The following PKMYT1 variants were observed in gnomAD, a reference collection of about 807,000 sequenced individuals.
PKMYT1 encodes membrane-associated tyrosine- and threonine-specific cdc2-inhibitory kinase.
PKMYT1 carries 35 observed loss-of-function variants against 49.7 expected under a neutral mutation model. That is an observed-to-expected ratio of 0.70 (90% CI 0.54 to 0.93). The LOEUF (loss-of-function observed/expected upper bound fraction) is 0.93, where lower values mean the gene tolerates loss of function less well. Among genes scored for constraint, PKMYT1 ranks in the 40% least tolerant of loss-of-function variants. PKMYT1 has a pLI of 0.00. For missense variants in PKMYT1, 677 were observed against 673.1 expected, an observed-to-expected ratio of 1.01 and a Z score of -0.06; for synonymous variants, 331 against 287.6, an observed-to-expected ratio of 1.15 and a Z score of -1.53.
At position 2,976,089 on chromosome 16, in the gene PKMYT1, G is replaced by A. The variant is rs572137558; in HGVS notation, c.379-277C>T. 4 of 434,458 alleles carry A rather than the reference G, an allele frequency of 9.2e-6. No individual in the cohort carries two copies. In the South Asian group the frequency reaches 1.6e-4, roughly 17 times the overall value. The allele number at this position is 434,458 out of a possible 1,614,324, so 26.9% of individuals were successfully genotyped here. A position where few individuals can be genotyped will look rare whatever the true frequency, so the allele number is the denominator to read the frequency against. On this transcript the variant is annotated intron_variant, in intron 3 of 8. Coordinates refer to ENST00000262300, the MANE Select transcript of PKMYT1 (RefSeq NM_004203.5). ...GATGTGTCACGAGGTGGAAAAAGCAGCTGCAGAGCAACACAGGCAGCCCAG... is the reference window on the plus strand; with the variant it reads ...GATGTGTCACGAGGTGGAAAAAGCAACTGCAGAGCAACACAGGCAGCCCAG...
chr16:2,978,302 G>A (rs1041722372), intron 2 of PKMYT1, among the ~76,000 whole-genome samples: 6 of 152,222 alleles, frequency 3.9e-5, no homozygotes, highest in African/African-American at 1.4e-4. Flanking sequence ...CCATTAAGAA[G>A]AGACTGGTAC....
At chr16:2,975,850 G>T in intron 3 of PKMYT1, 38 bp from the exon 4 acceptor site, 1 of 1,553,400 alleles carries the variant, frequency 6.4e-7, no homozygotes, top group South Asian at 1.2e-5. Context: ...CAGTGAGGGT[G>T]AGCCACAAGT....
Position 2,974,274 on chromosome 16 carries a change from C to A in PKMYT1, c.1123G>T (p.Ala375Ser). Residue 375 changes from alanine to serine, a missense_variant, in exon 6 of 9, where the codon GCC (alanine) becomes TCC (serine). Physicochemically the swap from Ala to Ser is moderately conservative, Grantham distance 99 (BLOSUM62 1). Coordinates refer to ENST00000262300, the MANE Select transcript of PKMYT1 (RefSeq NM_004203.5). ...CACAGGGCCCACCCTCGGCTCAGGG[C>A]CTCCGCTGCCATGCACCACAGCACA... ...WGVLWCMAAEALSRGWALWQA... is the reference protein window; with the variant it reads ...WGVLWCMAAESLSRGWALWQA... 1 of 1,573,816 alleles carries A rather than the reference C, an allele frequency of 6.4e-7. No individual in the cohort carries two copies. Among genetic ancestry groups the A allele is most frequent in the Non-Finnish European group, 8.6e-7 (1 of 1,160,360 alleles).
chr16:2,977,293 G>A (rs908541279), intron 2 of PKMYT1: 5 of 1,330,732 alleles, frequency 3.8e-6, no homozygotes, highest in African/African-American at 1.5e-5. Flanking sequence ...TGAGGGTCTT[G>A]CAGTCGGGTT....
chr16:2,978,097 G>C (rs2072247651), intron 2 of PKMYT1, among the ~76,000 whole-genome samples: 1 of 152,202 alleles, frequency 6.6e-6, no homozygotes, highest in East Asian at 1.9e-4. Flanking sequence ...GCAGCACTCA[G>C]AGAGGTGCCC....
chr16:2,974,543 T>TA lies in PKMYT1; in HGVS notation c.979+6dup, dbSNP rs1483844043. ...GGCAGCACCCCCTCCCGCCCTCACC[T>TA]ACTCACCGGCAGTGAACTCAGGGGG... is the stretch of plus-strand genomic sequence containing the variant. On this transcript the variant is annotated splice_region_variant and intron_variant, in intron 5 of 8. Transcript: ENST00000262300. 6.4e-7 allele frequency: 1 copy of TA among 1,559,744 alleles called. No homozygotes were observed. The highest frequency in any genetic ancestry group is 1.8e-5 in the Admixed American group (1 of 54,278).
chr16:2,974,489 G>T lies in PKMYT1; in HGVS notation c.979+61C>A. On this transcript the variant is annotated intron_variant, in intron 5 of 8. Coordinates refer to ENST00000262300, the MANE Select transcript of PKMYT1 (RefSeq NM_004203.5). Reference sequence around the variant, plus strand: ...ACCCTGAGCCCAGCAGTGCCTCCATGGCCAGCCACTATCTCCCCAGGAGCC... The same window carrying T: ...ACCCTGAGCCCAGCAGTGCCTCCATTGCCAGCCACTATCTCCCCAGGAGCC... 3 of 1,537,172 alleles carry T rather than the reference G, an allele frequency of 2.0e-6. No individual in the cohort carries two copies. In the South Asian group the frequency reaches 3.6e-5, roughly 19 times the overall value.
Position 2,975,658 on chromosome 16 carries a change from T to G in PKMYT1, c.533A>C (p.Glu178Ala). 3 of 1,611,188 alleles carry G rather than the reference T, an allele frequency of 1.9e-6. No homozygotes were observed. Among genetic ancestry groups the G allele is most frequent in the Non-Finnish European group, 2.5e-6 (3 of 1,179,788 alleles). Residue 178 changes from glutamate (E) to alanine (A), a missense_variant, in exon 4 of 9, where the codon GAG (glutamate) becomes GCG (alanine). Coordinates refer to ENST00000262300, the MANE Select transcript of PKMYT1 (RefSeq NM_004203.5). ...CTGCAGGTACAGGATGCCGCCCTCC[T>G]CCCAGGCCTGCTCCAGCCGCACGCA... ...PCCVRLEQAW[E>A]EGGILYLQTE...
chr16:2,978,171 G>C (rs1398505164), intron 2 of PKMYT1, among the ~76,000 whole-genome samples: 1 of 152,182 alleles, frequency 6.6e-6, no homozygotes. Flanking sequence ...GGTAGACGTA[G>C]GTCATAAATA....
intron 3 of PKMYT1, 179 bp from the exon 4 acceptor site, chr16:2,975,991 T>G: frequency 1.5e-6 from 1 of 680,828 alleles, no homozygotes. Flanking sequence ...CCTCCATCCC[T>G]CGGGCTGGGT....
At position 2,976,803 on chromosome 16, in the gene PKMYT1, CG is replaced by C; in HGVS notation, c.238del (p.Arg80GlyfsTer59). On this transcript the variant is annotated frameshift_variant, in exon 3 of 9. Coordinates refer to ENST00000262300, the MANE Select transcript of PKMYT1 (RefSeq NM_004203.5). LOFTEE classifies it high-confidence loss of function. ...GGCCTCGCCCCGGAATGACACCCGC[CG>C]GGGCTGCAGCTGGTGCCAGCCTGGG... ...RTPGWHQLQPRRVSFRGEASE... is the reference protein window; with the variant it reads ...RTPGWHQLQPXRVSFRGEASE... 1 of 1,575,844 alleles carries C rather than the reference CG, an allele frequency of 6.3e-7. No individual in the cohort carries two copies. Among genetic ancestry groups the C allele is most frequent in the Non-Finnish European group, 8.6e-7 (1 of 1,159,078 alleles).
intron 8 of PKMYT1, 21 bp from the exon 9 acceptor site, chr16:2,973,085 C>G (rs377322650): frequency 1.0e-5 from 16 of 1,580,684 alleles, no homozygotes; most frequent in Non-Finnish European, 1.2e-5. Flanking sequence ...AGAGTAGTGA[C>G]ACTCAGGATC....
Position 2,972,855 on chromosome 16 carries a change from A to G in PKMYT1, c.*98T>C, listed in dbSNP as rs2072034670. On this transcript the variant is annotated 3_prime_UTR_variant, in exon 9 of 9. Transcript: ENST00000262300. ...TACTTTTTATTAGACACGGCCAGGC[A>G]GAGAAGACCATGGGAGTTCCCGAGG... 1 of 1,534,522 alleles carries G rather than the reference A, an allele frequency of 6.5e-7. No individual in the cohort carries two copies. Among genetic ancestry groups the G allele is most frequent in the Non-Finnish European group, 8.8e-7 (1 of 1,134,550 alleles).
chr16:2,975,443 C>T lies in PKMYT1; in HGVS notation c.748G>A (p.Gly250Ser), dbSNP rs1342851596. 6.2e-7 allele frequency: 1 copy of T among 1,613,250 alleles called. No homozygotes were observed. The highest frequency in any genetic ancestry group is 2.2e-5 in the East Asian group (1 of 44,878). Reference sequence around the variant, plus strand: ...AGCTCCACCAGCAGTCCGAAGTCACCCAGCTTGCAGCGGCCCCGGGGCCCC... The same window carrying T: ...AGCTCCACCAGCAGTCCGAAGTCACTCAGCTTGCAGCGGCCCCGGGGCCCC... ...FLGPRGRCKL[G>S]DFGLLVELGT... Residue 250 changes from glycine to serine, a missense_variant, in exon 4 of 9, where the codon GGT (glycine) becomes AGT (serine). Transcript: ENST00000262300.
In PKMYT1 at chr16:2,975,602, G is replaced by A. The variant is rs2072167763; in HGVS notation, c.589C>T (p.His197Tyr). Reference protein sequence around the residue: ...TELCGPSLQQHCEAWGASLPE... With the variant: ...TELCGPSLQQYCEAWGASLPE... ...AGGCTGGCACCCCAGGCCTCACAGT[G>A]TTGCTGCAGGCTGGGCCCGCACAGC... Residue 197 changes from histidine to tyrosine, a missense_variant, in exon 4 of 9, where the codon CAC becomes TAC. Transcript: ENST00000262300. 1.2e-6 allele frequency: 2 copies of A among 1,611,536 alleles called. No individual in the cohort carries two copies. The highest frequency in any genetic ancestry group is 1.7e-6 in the Non-Finnish European group (2 of 1,179,710).
chr16:2,979,787 G>A lies in PKMYT1; in HGVS notation c.-130C>T. 2.7e-6 allele frequency: 3 copies of A among 1,091,726 alleles called. No homozygotes were observed. The highest frequency in any genetic ancestry group is 4.1e-6 in the Non-Finnish European group (3 of 735,054). The allele number at this position is 1,091,726 out of a possible 1,614,324, so 67.6% of individuals were successfully genotyped here. ...CTCCGCAGCTTCCGGGGCCCTGGGC[G>A]ATCGGGCCGTCTCGCCTCACCCTCT... On this transcript the variant is annotated 5_prime_UTR_variant, in exon 2 of 9. Coordinates refer to ENST00000262300, the MANE Select transcript of PKMYT1 (RefSeq NM_004203.5).
chr16:2,977,391 TCTTC>T, intron 2 of PKMYT1: 1 of 960,646 alleles, frequency 1.0e-6, no homozygotes, highest in South Asian at 5.0e-5. Flanking sequence ...CTACACAACC[TCTTC>T]CGAGACTACA....
intron 2 of PKMYT1, 185 bp downstream of exon 2, chr16:2,979,463 C>A: frequency 1.6e-6 from 1 of 617,018 alleles, no homozygotes; most frequent in South Asian, 1.9e-5. Flanking sequence ...TGTGGAGACT[C>A]TTCCTCTGAC....
chr16:2,977,738 C>T (rs980767855), intron 2 of PKMYT1, among the ~76,000 whole-genome samples: 1 of 152,154 alleles, frequency 6.6e-6, no homozygotes, highest in African/African-American at 2.4e-5. Context: ...GCACCCCTCT[C>T]CCCCCGCCTA....
Sources: allele counts gnomAD v4.1 joint callset (sites outside exome capture counted in the v4.1 genomes callset), GRCh38; gene constraint gnomAD v4.1.1; transcripts MANE v1.5; gene names NCBI Gene and HGNC (gene_info 2026-07-23, HGNC 2026-07-21).